The following NRXN3 variants were observed in gnomAD, a reference collection of about 807,000 sequenced individuals.
NRXN3 encodes neurexin 3, also known as neurexin III.
A neutral mutation model predicts 137.6 loss-of-function variants in NRXN3; 32 were observed. The observed-to-expected ratio is 0.23, with a 90% CI of 0.18 to 0.31. The LOEUF is 0.31. Ranked by LOEUF, NRXN3 falls within the 10% of genes least tolerant of loss-of-function variation. The pLI, the probability that NRXN3 is intolerant of heterozygous loss-of-function variation, is 1.00. For missense variants in NRXN3, 1,574 were observed against 2,062.5 expected, an observed-to-expected ratio of 0.76 and a Z score of 4.59; for synonymous variants, 798 against 784.5, an observed-to-expected ratio of 1.02 and a Z score of -0.29.
intron 8 of NRXN3, among the ~76,000 whole-genome samples, chr14:78,794,410 AAAT>A (rs1348802558): frequency 1.3e-5 from 2 of 152,226 alleles, no homozygotes; most frequent in Non-Finnish European, 2.9e-5. Context: ...AAACAGAAAC[AAAT>A]AATAACACCA....
intron 4 of NRXN3, among the ~76,000 whole-genome samples, chr14:78,635,833 T>C (rs1294136133): frequency 1.3e-5 from 2 of 152,236 alleles, no homozygotes; most frequent in African/African-American, 4.8e-5. Context: ...AAGTCAATTC[T>C]GGTTAAGTTC....
intron 16 of NRXN3, among the ~76,000 whole-genome samples, chr14:79,580,102 G>A (rs1434062660): frequency 2.0e-5 from 3 of 152,130 alleles, no homozygotes; most frequent in Non-Finnish European, 4.4e-5. Flanking sequence ...TTTCATCCAT[G>A]TTGCTGCAAA....
At chr14:78,643,129 G>A (rs1454064099) in intron 4 of NRXN3, among the ~76,000 whole-genome samples, 1 of 152,118 alleles carries the variant, frequency 6.6e-6, no homozygotes, top group African/African-American at 2.4e-5. Flanking sequence ...ATATGTAGTG[G>A]GTAGAAGTCT....
At chr14:78,805,425 C>T (rs896357494) in intron 9 of NRXN3, among the ~76,000 whole-genome samples, 16 of 151,974 alleles carry the variant, frequency 1.1e-4, no homozygotes, top group Non-Finnish European at 2.2e-4. Context: ...GCCTGCGGCC[C>T]GCATAGCAAA....
At chr14:79,479,750 T>C (rs907592497) in intron 16 of NRXN3, among the ~76,000 whole-genome samples, 1 of 152,068 alleles carries the variant, frequency 6.6e-6, no homozygotes, top group Non-Finnish European at 1.5e-5. Flanking sequence ...TCAATGACGT[T>C]AAGGCACCTA....
intron 15 of NRXN3, among the ~76,000 whole-genome samples, chr14:79,175,944 C>T (rs543320916): frequency 5.9e-5 from 9 of 152,314 alleles, no homozygotes; most frequent in East Asian, 5.8e-4. Context: ...TCTGTAGTAG[C>T]GCTCTAGGCA....
intron 15 of NRXN3, among the ~76,000 whole-genome samples, chr14:79,021,033 T>G (rs943388463): frequency 6.6e-6 from 1 of 152,180 alleles, no homozygotes; most frequent in African/African-American, 2.4e-5. Flanking sequence ...GCAGTTTAGA[T>G]TCAGGTAATA....
At chr14:78,866,254 A>G (rs532399631) in intron 10 of NRXN3, among the ~76,000 whole-genome samples, 166 of 152,302 alleles carry the variant, frequency 1.1e-3, no homozygotes, top group African/African-American at 3.8e-3. Flanking sequence ...TGACGTTTTC[A>G]TCATCACACT....
At chr14:79,478,514 A>G (rs934666498) in intron 16 of NRXN3, among the ~76,000 whole-genome samples, 15 of 152,086 alleles carry the variant, frequency 9.9e-5, no homozygotes, top group Non-Finnish European at 2.1e-4. Flanking sequence ...GGCATCATTA[A>G]CTTTGAGCCA....
chr14:79,748,827 G>C (rs1029216489), intron 19 of NRXN3, among the ~76,000 whole-genome samples: 1 of 151,852 alleles, frequency 6.6e-6, no homozygotes, highest in African/African-American at 2.4e-5. Context: ...TGGTTTCTGG[G>C]ACTGACAGAG....
chr14:79,457,874 A>G (rs1318146336), intron 15 of NRXN3, among the ~76,000 whole-genome samples: 2 of 152,206 alleles, frequency 1.3e-5, no homozygotes, highest in African/African-American at 4.8e-5. Context: ...ACAAATGTGT[A>G]TGTTCCAAAC....
rs372803787 is a variant in NRXN3 at position 78,335,941 on chromosome 14, A to C, written c.757+38081A>C. On this transcript the variant is annotated intron_variant, in intron 4 of 20. Coordinates refer to ENST00000335750, the MANE Select transcript of NRXN3 (RefSeq NM_001330195.2). ...CTCTGAAGGTTTTGCCTGGGTTCACAAAAGCCTTCCAGCTTTCCATTTTAA... is the reference window on the plus strand; with the variant it reads ...CTCTGAAGGTTTTGCCTGGGTTCACCAAAGCCTTCCAGCTTTCCATTTTAA... Among the ~76,000 whole-genome samples the C allele has an allele frequency of 2.0e-5, 3 of 152,326 alleles. No individual in the cohort carries two copies. The East Asian group carries it at 5.8e-4, about 29-fold the overall frequency.
At chr14:78,396,082 AT>A (rs569215346) in intron 4 of NRXN3, among the ~76,000 whole-genome samples, 58 of 150,978 alleles carry the variant, frequency 3.8e-4, no homozygotes, top group African/African-American at 1.4e-3. Flanking sequence ...TGTTACTTGA[AT>A]TTTTTTTAAT....
intron 15 of NRXN3, among the ~76,000 whole-genome samples, chr14:78,993,834 A>ATTTTTTTTTTTTTTTTTTTTTTTTTT: frequency 1.5e-5 from 1 of 66,928 alleles, no homozygotes; most frequent in Non-Finnish European, 3.1e-5. Context: ...GAGCCTTGAA[A>ATTTTTTTTTTTTTTTTTTTTTTTTTT]TTTTTTTTTT....
chr14:78,981,853 A>G (rs1046016497), intron 14 of NRXN3, among the ~76,000 whole-genome samples: 4 of 152,220 alleles, frequency 2.6e-5, no homozygotes, highest in East Asian at 3.8e-4. Context: ...TGTGAAATGC[A>G]TACATTAAAT....
intron 4 of NRXN3, among the ~76,000 whole-genome samples, chr14:78,457,029 C>T (rs2094757201): frequency 7.2e-6 from 1 of 139,328 alleles, no homozygotes; most frequent in Non-Finnish European, 1.6e-5. Flanking sequence ...TCCCTTCCCT[C>T]CCCCATCCCC....
chr14:78,264,207 G>T (rs1378130818), intron 2 of NRXN3, among the ~76,000 whole-genome samples: 1 of 152,136 alleles, frequency 6.6e-6, no homozygotes, highest in African/African-American at 2.4e-5. Context: ...TCAGTGAGGG[G>T]CAGAGTAAGG....
At chr14:78,519,406 T>C (rs1467240963) in intron 4 of NRXN3, among the ~76,000 whole-genome samples, 1 of 152,172 alleles carries the variant, frequency 6.6e-6, no homozygotes, top group African/African-American at 2.4e-5. Flanking sequence ...TTTATTCCAT[T>C]CCATGGATAC....
chr14:78,381,262 C>G (rs2089061043), intron 4 of NRXN3, among the ~76,000 whole-genome samples: 1 of 152,110 alleles, frequency 6.6e-6, no homozygotes, highest in Admixed American at 6.6e-5. Flanking sequence ...TCCCCAAAAG[C>G]ATAATTCCTA....
Sources: gnomAD v4.1 joint callset for allele counts (sites outside exome capture counted in the v4.1 genomes callset) on GRCh38, gnomAD v4.1.1 for gene constraint, MANE v1.5 for transcripts, NCBI Gene and HGNC (gene_info 2026-07-23, HGNC 2026-07-21) for gene names.